The following TMEM39B variants were observed in gnomAD, a reference collection of about 807,000 sequenced individuals.
TMEM39B encodes transmembrane protein 39B.
In TMEM39B, 23 loss-of-function variants were observed where a neutral mutation model predicts 52.2. The observed-to-expected ratio is 0.44, with a 90% CI of 0.32 to 0.62. The LOEUF is 0.62. TMEM39B is among the 20% of genes least tolerant of loss of function. The pLI is 0.06. For missense variants in TMEM39B, 547 were observed against 642.0 expected (o/e 0.85, Z 1.60); for synonymous variants, 285 against 264.0 (o/e 1.08, Z -0.77).
At chr1:32,083,772 G>A (rs905084251) in intron 5 of TMEM39B, among the ~76,000 whole-genome samples, 2 of 152,068 alleles carry the variant, frequency 1.3e-5, no homozygotes, top group African/African-American at 2.4e-5. Context: ...AGGAGGCTAA[G>A]GTATAAGAAT....
At chr1:32,098,248 A>G (rs1029000891) in intron 7 of TMEM39B, among the ~76,000 whole-genome samples, 2 of 150,034 alleles carry the variant, frequency 1.3e-5, no homozygotes, top group African/African-American at 4.9e-5. Context: ...TGATCTGCAC[A>G]CCCTCGGCCT....
At chr1:32,083,404 G>C (rs867619294) in intron 5 of TMEM39B, among the ~76,000 whole-genome samples, 2 of 136,062 alleles carry the variant, frequency 1.5e-5, no homozygotes, top group Non-Finnish European at 3.1e-5. Context: ...TTTTTTAAAG[G>C]ACTTCTTTTT....
intron 7 of TMEM39B, among the ~76,000 whole-genome samples, chr1:32,098,018 C>T (rs752670566): frequency 5.9e-5 from 9 of 151,566 alleles, no homozygotes; most frequent in South Asian, 2.1e-4. Context: ...TTTTTTGAGA[C>T]GGGGTTTCGC....
Position 32,090,804 on chromosome 1 carries a change from T to C in TMEM39B, c.591-871T>C, listed in dbSNP as rs368370812. Among the ~76,000 whole-genome samples the C allele has an allele frequency of 2.6e-5, 4 of 152,076 alleles. No homozygotes were observed. In the East Asian group the frequency reaches 7.7e-4, roughly 29 times the overall value. On this transcript the variant is annotated intron_variant, in intron 5 of 8. Coordinates refer to ENST00000336294, the MANE Select transcript of TMEM39B (RefSeq NM_018056.4). ...ACAGGCGCCCGCCACCACGCCCGGC[T>C]AATTTTTTGTATTTTTTAGTAGAGA...
intron 3 of TMEM39B, 30 bp downstream of exon 3, chr1:32,075,852 G>GTA: frequency 7.3e-7 from 1 of 1,365,262 alleles, no homozygotes; most frequent in Non-Finnish European, 1.0e-6. Context: ...GTGTGTGTGT[G>GTA]TGTGTGTGTG....
chr1:32,075,920 T>A, intron 3 of TMEM39B, 98 bp downstream of exon 3: 1 of 796,592 alleles, frequency 1.3e-6, no homozygotes, highest in Non-Finnish European at 2.0e-6. Context: ...CATATCCTAC[T>A]AAGCACCACT....
At chr1:32,102,323 C>T (rs1641047226) in intron 8 of TMEM39B, 108 bp from the exon 9 acceptor site, 2 of 1,486,120 alleles carry the variant, frequency 1.3e-6, no homozygotes, top group African/African-American at 1.4e-5. Flanking sequence ...CCCATGTCTG[C>T]ATGGGGCCCC....
In TMEM39B at chr1:32,100,497, G is replaced by A. The variant is rs1640979320; in HGVS notation, c.1171G>A (p.Val391Ile). ...CGTGCTGGTGAAGCACAGCAAGAAC[G>A]TCTACAAAGCCGTAGGCCACTACAA... is the stretch of plus-strand genomic sequence containing the variant. ...QGVLVKHSKN[V>I]YKAVGHYNVA... Residue 391 changes from valine to isoleucine, a missense_variant, in exon 8 of 9, where the codon GTC becomes ATC. Transcript: ENST00000336294. 4 of 1,613,290 alleles carry A rather than the reference G, an allele frequency of 2.5e-6. No individual in the cohort carries two copies. The highest frequency in any genetic ancestry group is 1.3e-5 in the African/African-American group (1 of 75,016).
chr1:32,076,546 C>T, intron 3 of TMEM39B: 1 of 685,606 alleles, frequency 1.5e-6, no homozygotes, highest in Non-Finnish European at 2.7e-6. Context: ...GGCTCACATA[C>T]CACTCTCTTA....
In TMEM39B at chr1:32,072,974, C is replaced by G; in HGVS notation, c.-74C>G. ...ACTGGGCTGCGGCGGTTAGTCCTCT[C>G]CCGGCCGCCGTCGCCTCCGACATAT... On this transcript the variant is annotated 5_prime_UTR_variant, in exon 1 of 9. Coordinates refer to ENST00000336294, the MANE Select transcript of TMEM39B (RefSeq NM_018056.4). 6.6e-7 allele frequency: 1 copy of G among 1,526,142 alleles called. No individual in the cohort carries two copies. Among genetic ancestry groups the G allele is most frequent in the South Asian group, 1.2e-5 (1 of 82,968 alleles). 94.5% of individuals were successfully genotyped at this position (1,526,142 alleles called of 1,614,324 possible).
Position 32,100,569 on chromosome 1 carries a change from C to T in TMEM39B, c.1236+7C>T. On this transcript the variant is annotated splice_region_variant and intron_variant, in intron 8 of 8. Transcript: ENST00000336294. ...CTCCCACTTCCGCTTCCATGTGAGT[C>T]TCCTCCCCGGGGAAGGAGGGTTGGG... 2.5e-6 allele frequency: 4 copies of T among 1,614,174 alleles called. No homozygotes were observed. Among genetic ancestry groups the T allele is most frequent in the Non-Finnish European group, 3.4e-6 (4 of 1,180,008 alleles).
chr1:32,087,229 A>C (rs1381985292), intron 5 of TMEM39B, among the ~76,000 whole-genome samples: 1 of 150,844 alleles, frequency 6.6e-6, no homozygotes, highest in Non-Finnish European at 1.5e-5. Context: ...GATGCAGGAG[A>C]ATCTCTTGAA....
intron 5 of TMEM39B, among the ~76,000 whole-genome samples, chr1:32,086,218 T>C (rs1640342638): frequency 6.6e-6 from 1 of 152,158 alleles, no homozygotes; most frequent in African/African-American, 2.4e-5. Flanking sequence ...TTTAATCCCA[T>C]TTATTCATAC....
chr1:32,089,493 C>G (rs1640515238), intron 5 of TMEM39B, among the ~76,000 whole-genome samples: 2 of 151,868 alleles, frequency 1.3e-5, no homozygotes, highest in Admixed American at 1.3e-4. Context: ...GACCACAGTT[C>G]TGTTTTTATA....
At chr1:32,091,253 C>T (rs868566453) in intron 5 of TMEM39B, among the ~76,000 whole-genome samples, 1 of 151,982 alleles carries the variant, frequency 6.6e-6, no homozygotes, top group Non-Finnish European at 1.5e-5. Flanking sequence ...GCCAAGGCTT[C>T]CTCAGCTGAA....
chr1:32,094,819 A>G lies in TMEM39B; in HGVS notation c.963A>G (p.Glu321=), dbSNP rs1359567192. 6.2e-7 allele frequency: 1 copy of G among 1,613,944 alleles called. No individual in the cohort carries two copies. The highest frequency in any genetic ancestry group is 8.5e-7 in the Non-Finnish European group (1 of 1,179,978). ...ACTATGACAAGCGCTGGTCCTGTGA[A>G]CTCTTCCTGCTGGTGTCCATCAGCA... The part of the protein sequence containing the change: ...THYYDKRWSC[E]LFLLVSISTS... The change falls in exon 7 of 9, where the codon GAA becomes GAG. Residue 321 remains glutamate, a synonymous_variant. Transcript: ENST00000336294.
chr1:32,078,367 C>T (rs1639953139), intron 5 of TMEM39B, among the ~76,000 whole-genome samples: 1 of 152,052 alleles, frequency 6.6e-6, no homozygotes, highest in Non-Finnish European at 1.5e-5. Flanking sequence ...CCTATAGTCC[C>T]AGCTACTCAG....
In TMEM39B at chr1:32,075,815, C is replaced by T; in HGVS notation, c.344C>T (p.Thr115Ile). Residue 115 changes from threonine to isoleucine, a missense_variant, in exon 3 of 9, where the codon ACC becomes ATC. By Grantham distance (89) the Thr-to-Ile change is moderately conservative (BLOSUM62 -1). Transcript: ENST00000336294. ...CCACCTTCCCACCCACCCTCCCACA[C>T]CTCCCTGGTAGGTACCCAACAAGGG... ...WYPPSHPPSHTSLNFHLIDFN... is the reference protein window; with the variant it reads ...WYPPSHPPSHISLNFHLIDFN... 1.3e-6 allele frequency: 2 copies of T among 1,496,248 alleles called. No individual in the cohort carries two copies. Among genetic ancestry groups the T allele is most frequent in the Non-Finnish European group, 1.8e-6 (2 of 1,109,714 alleles). The allele number at this position is 1,496,248 out of a possible 1,614,324, so 92.7% of individuals were successfully genotyped here. A position where few individuals can be genotyped will look rare whatever the true frequency, so the allele number is the denominator to read the frequency against.
Position 32,077,312 on chromosome 1 carries a change from G to C in TMEM39B, c.584G>C (p.Cys195Ser), listed in dbSNP as rs1639908387. The C allele has an allele frequency of 6.2e-7, 1 of 1,613,948 alleles. No homozygotes were observed. Among genetic ancestry groups the C allele is most frequent in the Admixed American group, 1.7e-5 (1 of 59,984 alleles). Residue 195 changes from cysteine (C) to serine (S), a missense_variant, in exon 5 of 9, where the codon TGC becomes TCC. Transcript: ENST00000336294. ...TYSFLNLLFL[C>S]YPFGMYIPFL... Reference sequence around the variant, plus strand: ...TCCTTCCTGAACCTCCTGTTCCTCTGCTATCCGTGAGTACCCCTCACTTCA... The same window carrying C: ...TCCTTCCTGAACCTCCTGTTCCTCTCCTATCCGTGAGTACCCCTCACTTCA...
Sources: gnomAD v4.1 joint callset for allele counts (sites outside exome capture counted in the v4.1 genomes callset) on GRCh38, gnomAD v4.1.1 for gene constraint, MANE v1.5 for transcripts, NCBI Gene and HGNC (gene_info 2026-07-23, HGNC 2026-07-21) for gene names.